CEP63: variants seen among roughly 807,000 people sequenced by gnomAD.
The protein encoded by CEP63 is centrosomal protein of 63 kDa.
Under a neutral mutation model 89.1 loss-of-function variants are expected in CEP63, and 84 were observed. The observed-to-expected ratio is 0.94, with a 90% CI of 0.79 to 1.13. The LOEUF is 1.13. Ranked by LOEUF, CEP63 falls within the 50% of genes most tolerant of loss-of-function variation. CEP63 has a pLI of 0.00. For missense variants in CEP63, 838 were observed against 813.3 expected, an observed-to-expected ratio of 1.03 and a Z score of -0.37; for synonymous variants, 267 against 272.5, an observed-to-expected ratio of 0.98 and a Z score of 0.20.
intron 3 of CEP63, among the ~76,000 whole-genome samples, chr3:134,530,519 A>G (rs1949667579): frequency 1.3e-5 from 2 of 152,082 alleles, no homozygotes; most frequent in Admixed American, 1.3e-4. Context: ...TTTTTTTGTA[A>G]ATATTTTTCT....
At chr3:134,688,966 C>T in the CEP63 span, among the ~76,000 whole-genome samples, 1 of 152,182 alleles carries the variant, frequency 6.6e-6, no homozygotes, top group Non-Finnish European at 1.5e-5. Flanking sequence ...CCCTGGTGAT[C>T]TCTTCTAATG....
intron 6 of CEP63, among the ~76,000 whole-genome samples, chr3:134,544,995 T>C (rs1952939233): frequency 1.3e-5 from 2 of 152,036 alleles, no homozygotes; most frequent in Non-Finnish European, 2.9e-5. Flanking sequence ...GTATTTTATT[T>C]GTTTGTTTGT....
chr3:134,571,759 T>C (rs1404269971), intron 11 of CEP63, among the ~76,000 whole-genome samples: 3 of 152,174 alleles, frequency 2.0e-5, no homozygotes, highest in Non-Finnish European at 4.4e-5. Flanking sequence ...CATTCAGTTA[T>C]GAAAACCTAA....
At chr3:134,721,857 C>G in the CEP63 span, among the ~76,000 whole-genome samples, 2 of 151,906 alleles carry the variant, frequency 1.3e-5, no homozygotes, top group African/African-American at 4.8e-5. Flanking sequence ...TAAAATATTG[C>G]TGGATTTAGT....
the CEP63 span, among the ~76,000 whole-genome samples, chr3:134,776,769 A>T: frequency 6.6e-6 from 1 of 152,236 alleles, no homozygotes. Flanking sequence ...CATGGGAGCC[A>T]GGCAGTTTCT....
At chr3:134,487,268 T>A (rs1033317987) in intron 1 of CEP63, among the ~76,000 whole-genome samples, 6 of 152,248 alleles carry the variant, frequency 3.9e-5, no homozygotes, top group Non-Finnish European at 7.3e-5. Context: ...GTACCATTTT[T>A]AGATTGATTT....
rs906955756 is a variant in CEP63, at chr3:134,486,152, G to C, written c.-76G>C. ...GGGCGGAACAAACGCGCCGACTACA[G>C]AGGCTGGACGTAAGCTTAGCGGTGG... On this transcript the variant is annotated 5_prime_UTR_variant, in exon 1 of 15. Transcript: ENST00000675561. 7.1e-6 allele frequency: 7 copies of C among 985,592 alleles called. No individual in the cohort carries two copies. The highest frequency in any genetic ancestry group is 8.4e-6 in the Non-Finnish European group (7 of 830,022). 61.1% of individuals were successfully genotyped at this position (985,592 alleles called of 1,614,324 possible). A position where few individuals can be genotyped will look rare whatever the true frequency, so the allele number is the denominator to read the frequency against.
the CEP63 span, chr3:134,604,169 G>A: frequency 1.9e-6 from 3 of 1,609,482 alleles, no homozygotes; most frequent in South Asian, 1.1e-5. Context: ...GGGTGGGAGG[G>A]CTTCATGATG....
the CEP63 span, among the ~76,000 whole-genome samples, chr3:134,667,306 A>G: frequency 6.6e-6 from 1 of 152,128 alleles, no homozygotes; most frequent in African/African-American, 2.4e-5. Flanking sequence ...GTAAATTTCC[A>G]TGCTAACATT....
At chr3:134,561,256 G>A (rs1957289233) in intron 14 of CEP63, 121 bp from the exon 15 acceptor site, 14 of 1,056,890 alleles carry the variant, frequency 1.3e-5, no homozygotes, top group South Asian at 1.2e-4. Context: ...AACCAAAAAA[G>A]TATCTTCAGA....
intron 3 of CEP63, among the ~76,000 whole-genome samples, chr3:134,516,018 A>C (rs1056403462): frequency 6.6e-6 from 1 of 152,284 alleles, no homozygotes; most frequent in Admixed American, 6.5e-5. Context: ...AAAGAGACAC[A>C]AAGTGTAGAG....
the CEP63 span, among the ~76,000 whole-genome samples, chr3:134,725,783 G>T: frequency 2.6e-5 from 4 of 152,138 alleles, no homozygotes; most frequent in African/African-American, 9.7e-5. Context: ...TCTCCTTCCA[G>T]CAGGCTTTCT....
At chr3:134,723,877 A>T in the CEP63 span, among the ~76,000 whole-genome samples, 62 of 152,358 alleles carry the variant, frequency 4.1e-4, no homozygotes, top group African/African-American at 1.4e-3. Flanking sequence ...GCAGATTTTA[A>T]CAAAACTCTA....
At chr3:134,624,899 C>G in the CEP63 span, among the ~76,000 whole-genome samples, 1 of 152,182 alleles carries the variant, frequency 6.6e-6, no homozygotes. Flanking sequence ...CTAGTGCCTT[C>G]TGTCCCCACC....
At chr3:134,661,115 A>G in the CEP63 span, among the ~76,000 whole-genome samples, 2 of 152,196 alleles carry the variant, frequency 1.3e-5, no homozygotes, top group Non-Finnish European at 2.9e-5. Flanking sequence ...AAAACATTTT[A>G]GTGAGTTTCT....
At chr3:134,695,122 G>A in the CEP63 span, among the ~76,000 whole-genome samples, 1 of 152,206 alleles carries the variant, frequency 6.6e-6, no homozygotes, top group Non-Finnish European at 1.5e-5. Flanking sequence ...ACCTGCCTGA[G>A]CTGTGCGGGG....
intron 3 of CEP63, among the ~76,000 whole-genome samples, chr3:134,523,169 T>G (rs1445174601): frequency 6.6e-6 from 1 of 152,244 alleles, no homozygotes; most frequent in Non-Finnish European, 1.5e-5. Context: ...TGAGCATTTT[T>G]TTATATGATT....
At chr3:134,669,462 A>G in the CEP63 span, among the ~76,000 whole-genome samples, 2 of 152,152 alleles carry the variant, frequency 1.3e-5, no homozygotes, top group Non-Finnish European at 2.9e-5. Context: ...CAGTGCAGTA[A>G]TGAGGAGGGG....
the CEP63 span, among the ~76,000 whole-genome samples, chr3:134,594,834 A>G: frequency 6.6e-6 from 1 of 152,210 alleles, no homozygotes; most frequent in Non-Finnish European, 1.5e-5. Context: ...AATCATGGAG[A>G]TAAAAGAGCA....
Sources: allele counts gnomAD v4.1 joint callset (sites outside exome capture counted in the v4.1 genomes callset), GRCh38; gene constraint gnomAD v4.1.1; transcripts MANE v1.5; gene names NCBI Gene and HGNC (gene_info 2026-07-23, HGNC 2026-07-21).